The following ADAMTS5 variants were observed in gnomAD, a reference collection of about 807,000 sequenced individuals.
ADAMTS5 encodes ADAM metallopeptidase with thrombospondin type 1 motif 5.
ADAMTS5 carries 54 observed loss-of-function variants against 81.4 expected under a neutral mutation model. The observed-to-expected ratio is 0.66, with a 90% confidence interval of 0.53 to 0.83. The LOEUF (loss-of-function observed/expected upper bound fraction) is 0.83, where lower values mean the gene tolerates loss of function less well. Ranked by LOEUF, ADAMTS5 falls within the 40% of genes least tolerant of loss-of-function variation. ADAMTS5 has a pLI of 0.00. For missense variants in ADAMTS5, 1,194 were observed against 1,229.9 expected (o/e 0.97, Z 0.44); for synonymous variants, 532 against 508.8 (o/e 1.05, Z -0.61).
chr21:26,929,598 T>C (rs1469573888), intron 7 of ADAMTS5, among the ~76,000 whole-genome samples: 1 of 152,216 alleles, frequency 6.6e-6, no homozygotes, highest in African/African-American at 2.4e-5. Flanking sequence ...ATCACTAAAG[T>C]GGAATGTCCC....
intron 2 of ADAMTS5, among the ~76,000 whole-genome samples, chr21:26,947,207 T>G (rs1987231585): frequency 1.3e-5 from 2 of 152,226 alleles, no homozygotes; most frequent in Admixed American, 6.5e-5. Context: ...ATGATGTAAT[T>G]GGAAGCTTTT....
At chr21:26,951,572 G>A (rs1987316187) in intron 2 of ADAMTS5, among the ~76,000 whole-genome samples, 1 of 151,040 alleles carries the variant, frequency 6.6e-6, no homozygotes, top group African/African-American at 2.4e-5. Context: ...CCAGCTGCTT[G>A]GGGGGCTGAG....
rs527937233 is a variant in ADAMTS5, at chr21:26,921,557, G to A, written c.*2496C>T. 14 of 152,082 alleles carry A rather than the reference G, an allele frequency of 9.2e-5. No homozygotes were observed. Among genetic ancestry groups the A allele is most frequent in the African/African-American group, 2.7e-4 (11 of 41,418 alleles). The allele number at this position is 152,082 out of a possible 1,614,324, so 9.4% of individuals were successfully genotyped here. A position where few individuals can be genotyped will look rare whatever the true frequency, so the allele number is the denominator to read the frequency against. Reference sequence around the variant, plus strand: ...GTGAAAGACAGTACGAAGTCAAAGTGGACTGACTTAGATTGAGTTGTATAG... The same window carrying A: ...GTGAAAGACAGTACGAAGTCAAAGTAGACTGACTTAGATTGAGTTGTATAG... On this transcript the variant is annotated 3_prime_UTR_variant, in exon 8 of 8. Transcript: ENST00000284987.
intron 2 of ADAMTS5, among the ~76,000 whole-genome samples, chr21:26,946,512 T>G (rs1987218938): frequency 6.6e-6 from 1 of 152,166 alleles, no homozygotes; most frequent in African/African-American, 2.4e-5. Context: ...AGCTAATAGC[T>G]TTGAAGACAT....
chr21:26,941,456 A>C lies in ADAMTS5; in HGVS notation c.1405+1924T>G, dbSNP rs1009047735. On this transcript the variant is annotated intron_variant, in intron 3 of 7. Transcript: ENST00000284987. ...ATAGACTCTTTTAAATATAGAATTA[A>C]TGTTAAAAATGAAGACAATGCTGAA... 1.1e-3 allele frequency among the ~76,000 whole-genome samples: 170 copies of C among 152,262 alleles called. 2 individuals are homozygous for C. The highest frequency in any genetic ancestry group is 4.0e-3 in the African/African-American group (165 of 41,576).
chr21:26,941,072 G>T (rs1019015108), intron 3 of ADAMTS5, among the ~76,000 whole-genome samples: 1 of 151,828 alleles, frequency 6.6e-6, no homozygotes, highest in South Asian at 2.1e-4. Flanking sequence ...CTTTTCTTTG[G>T]TTTTTGTTAT....
chr21:26,959,079 T>C (rs1987479339), intron 1 of ADAMTS5, among the ~76,000 whole-genome samples: 1 of 152,112 alleles, frequency 6.6e-6, no homozygotes, highest in African/African-American at 2.4e-5. Context: ...GTCAGGAAGC[T>C]TTCTCTGACA....
intron 3 of ADAMTS5, among the ~76,000 whole-genome samples, chr21:26,937,531 T>G (rs1321391085): frequency 6.6e-6 from 1 of 152,222 alleles, no homozygotes; most frequent in Non-Finnish European, 1.5e-5. Flanking sequence ...TGCAACAAAA[T>G]AGGTACAAGC....
chr21:26,928,601 CCTTTCCTTTTT>C (rs1287922448), intron 7 of ADAMTS5, among the ~76,000 whole-genome samples: 1 of 149,284 alleles, frequency 6.7e-6, no homozygotes, highest in Non-Finnish European at 1.5e-5. Flanking sequence ...CTCTCTCCCT[CCTTTCCTTTTT>C]CTTTCCTTCC....
chr21:26,952,068 C>G (rs986544782), intron 2 of ADAMTS5, among the ~76,000 whole-genome samples: 4 of 152,108 alleles, frequency 2.6e-5, no homozygotes, highest in Non-Finnish European at 2.9e-5. Context: ...AATCCATATT[C>G]CCCCACTTCC....
intron 3 of ADAMTS5, among the ~76,000 whole-genome samples, chr21:26,936,895 G>A (rs1987023200): frequency 6.6e-6 from 1 of 152,158 alleles, no homozygotes; most frequent in Non-Finnish European, 1.5e-5. Flanking sequence ...TGTAAACTAG[G>A]GGATGCTTGG....
rs752810236 is a variant in ADAMTS5 at position 26,954,826 on chromosome 21, C to T, written c.1150G>A (p.Val384Ile). The change falls in exon 2 of 8, where the codon GTT (valine) becomes ATT (isoleucine). Residue 384 changes from valine to isoleucine, a missense_variant. Around this residue, in one of 2 missense-constraint regions of ADAMTS5, gnomAD observed 696 missense variants for 817.6 expected, o/e 0.85. Coordinates refer to ENST00000284987, the MANE Select transcript of ADAMTS5 (RefSeq NM_007038.5). The part of the protein sequence containing the change: ...HSCDTLGMAD[V>I]GTICSPERSC... ...CGCTCTGGAGAACATATGGTCCCAA[C>T]GTCTGCCATTCCCAGGGTGTCACAT... The T allele has an allele frequency of 2.2e-5, 35 of 1,613,984 alleles. No individual in the cohort carries two copies. The highest frequency in any genetic ancestry group is 5.5e-5 in the South Asian group (5 of 91,090).
At chr21:26,926,863 CT>C (rs1986814750) in intron 7 of ADAMTS5, among the ~76,000 whole-genome samples, 2 of 152,064 alleles carry the variant, frequency 1.3e-5, no homozygotes, top group Admixed American at 1.3e-4. Context: ...GTAAGGGAAG[CT>C]TTTTTGGGTG....
At chr21:26,956,166 G>A (rs1601018058) in intron 1 of ADAMTS5, among the ~76,000 whole-genome samples, 1 of 152,240 alleles carries the variant, frequency 6.6e-6, no homozygotes, top group East Asian at 1.9e-4. Flanking sequence ...CATACTCAAT[G>A]GCAACATACT....
chr21:26,962,997 G>T (rs576849724), intron 1 of ADAMTS5, among the ~76,000 whole-genome samples: 1 of 151,842 alleles, frequency 6.6e-6, no homozygotes, highest in Non-Finnish European at 1.5e-5. Flanking sequence ...TAAATTGGGC[G>T]CATCTATTGA....
In ADAMTS5 at chr21:26,954,950, C is replaced by T. The variant is rs1475240152; in HGVS notation, c.1105-79G>A. 6.5e-6 allele frequency: 10 copies of T among 1,529,666 alleles called. No individual in the cohort carries two copies. In the Admixed American group the frequency reaches 1.9e-4, roughly 29 times the overall value. The allele number at this position is 1,529,666 out of a possible 1,614,324, so 94.8% of individuals were successfully genotyped here. On this transcript the variant is annotated intron_variant, in intron 1 of 7. Transcript: ENST00000284987. ...CGCCACATAGAGCCACTTGCTTACCCCAAATGGCAACAGGGATATGTTTAT... is the reference window on the plus strand; with the variant it reads ...CGCCACATAGAGCCACTTGCTTACCTCAAATGGCAACAGGGATATGTTTAT...
rs369831517 is a variant in ADAMTS5, at chr21:26,919,756, G to T, written c.*4297C>A. ...TATCTCTATAGATTATGCTAACAAAGGATTCTTAGGAAGATTTTTCAATGT... is the reference window on the plus strand; with the variant it reads ...TATCTCTATAGATTATGCTAACAAATGATTCTTAGGAAGATTTTTCAATGT... On this transcript the variant is annotated 3_prime_UTR_variant, in exon 8 of 8. Transcript: ENST00000284987. 52 of 152,104 alleles carry T rather than the reference G, an allele frequency of 3.4e-4. 1 individual carries two copies. In the South Asian group the frequency reaches 9.3e-3, roughly 27 times the overall value. 9.4% of individuals were successfully genotyped at this position (152,104 alleles called of 1,614,324 possible).
chr21:26,932,977 C>T lies in ADAMTS5; in HGVS notation c.1757G>A (p.Gly586Glu), dbSNP rs1424626157. 6.2e-7 allele frequency: 1 copy of T among 1,614,022 alleles called. No homozygotes were observed. The highest frequency in any genetic ancestry group is 8.5e-7 in the Non-Finnish European group (1 of 1,179,988). The change falls in exon 5 of 8, where the codon GGA (glycine) becomes GAA (glutamate). Residue 586 changes from glycine (G) to glutamate (E), a missense_variant. By Grantham distance (98) the Gly-to-Glu change is moderately conservative. This residue lies in a region of ADAMTS5 where 696 missense variants were observed against 817.6 expected (regional missense o/e 0.85). Coordinates refer to ENST00000284987, the MANE Select transcript of ADAMTS5 (RefSeq NM_007038.5). ...ACAGTGACGATAGGCAAACTGCACT[C>T]CTCCTCCACATGAGCGAGAACACTG... is the stretch of plus-strand genomic sequence containing the variant. ...WGQCSRSCGGGVQFAYRHCNN... is the reference protein window; with the variant it reads ...WGQCSRSCGGEVQFAYRHCNN...
chr21:26,937,974 T>C (rs1744459348), intron 3 of ADAMTS5, among the ~76,000 whole-genome samples: 1 of 152,186 alleles, frequency 6.6e-6, no homozygotes, highest in Non-Finnish European at 1.5e-5. Flanking sequence ...GTGCGGTGGC[T>C]CATGCCTGTA....
Sources: gnomAD v4.1 joint callset for allele counts (sites outside exome capture counted in the v4.1 genomes callset) on GRCh38, gnomAD v4.1.1 for gene constraint, gnomAD v4.1.1 regional missense constraint, MANE v1.5 for transcripts, NCBI Gene and HGNC (gene_info 2026-07-23, HGNC 2026-07-21) for gene names.